Variants in NEBL observed in about 807,000 individuals in gnomAD.
The protein encoded by NEBL is LIM and SH3 protein 2.
A neutral mutation model predicts 140.2 loss-of-function variants in NEBL; 122 were observed. The ratio of observed to expected loss-of-function variants is 0.87; its 90% CI spans 0.75 to 1.01. The LOEUF (loss-of-function observed/expected upper bound fraction) is 1.01, where lower values mean the gene tolerates loss of function less well. NEBL is among the 50% of genes least tolerant of loss of function. The pLI is 0.00. For missense variants in NEBL, 1,365 were observed against 1,231.3 expected (o/e 1.11, Z -1.62); for synonymous variants, 436 against 398.9 (o/e 1.09, Z -1.11).
intron 19 of NEBL, among the ~76,000 whole-genome samples, chr10:20,822,656 TATAGATATATAGAG>T (rs1839448641): frequency 1.1e-5 from 1 of 89,796 alleles, no homozygotes; most frequent in Non-Finnish European, 2.8e-5. Flanking sequence ...ATAGGCTATA[TATAGATATATAGAG>T]ACTATAGATA....
At chr10:21,095,741 C>G (rs1172326204) in intron 2 of NEBL, among the ~76,000 whole-genome samples, 1 of 152,210 alleles carries the variant, frequency 6.6e-6, no homozygotes, top group African/African-American at 2.4e-5. Context: ...TTAGCTTCAT[C>G]TTGATGCAAT....
chr10:20,986,424 T>A (rs11012462), intron 3 of NEBL, among the ~76,000 whole-genome samples: 19,770 of 152,144 alleles, frequency 0.13, 2,480 homozygotes, highest in East Asian at 0.38. Flanking sequence ...CCCAAAGTAC[T>A]TTTCAATTAG....
chr10:21,003,420 T>C (rs1837990809), intron 3 of NEBL, among the ~76,000 whole-genome samples: 1 of 152,240 alleles, frequency 6.6e-6, no homozygotes, highest in Non-Finnish European at 1.5e-5. Context: ...CAATCTCTCC[T>C]TTAATGCTGG....
Position 20,853,740 on chromosome 10 carries a change from G to A in NEBL, c.904-1091C>T, listed in dbSNP as rs576565766. Among the ~76,000 whole-genome samples, 3 of 152,302 alleles carry A rather than the reference G, an allele frequency of 2.0e-5. No homozygotes were observed. In the East Asian group the frequency reaches 5.8e-4, roughly 29 times the overall value. On this transcript the variant is annotated intron_variant, in intron 9 of 27. Transcript: ENST00000377122. ...TGGCTACCAGCAGCTGGGAAGAGTG[G>A]TGGGGAGAGGAGATAAAGTGGAGAT...
chr10:21,101,355 G>C (rs1837468984), intron 2 of NEBL, among the ~76,000 whole-genome samples: 1 of 152,156 alleles, frequency 6.6e-6, no homozygotes, highest in African/African-American at 2.4e-5. Context: ...AGGCAATGTG[G>C]TCAAGTAACA....
intron 2 of NEBL, among the ~76,000 whole-genome samples, chr10:21,093,995 T>G (rs1246805197): frequency 6.6e-6 from 1 of 152,206 alleles, no homozygotes. Flanking sequence ...AAAACTATAT[T>G]TATCTGTGGT....
intron 2 of NEBL, among the ~76,000 whole-genome samples, chr10:21,099,501 C>A (rs576595812): frequency 2.0e-5 from 3 of 152,126 alleles, no homozygotes; most frequent in Non-Finnish European, 4.4e-5. Context: ...ATATGTTCCC[C>A]CAACCACCAC....
At chr10:21,199,356 A>G (rs1181749051) in intron 3 of NEBL, among the ~76,000 whole-genome samples, 1 of 152,188 alleles carries the variant, frequency 6.6e-6, no homozygotes, top group Non-Finnish European at 1.5e-5. Context: ...TTTTTAAAAA[A>G]TCATTATGTT....
intron 2 of NEBL, among the ~76,000 whole-genome samples, chr10:21,020,708 G>A (rs138757991): frequency 7.9e-5 from 12 of 152,170 alleles, no homozygotes; most frequent in Admixed American, 4.6e-4. Context: ...CCTCTTGGGC[G>A]GCCTCCCTCC....
intron 1 of NEBL, among the ~76,000 whole-genome samples, chr10:21,262,153 T>A (rs1386529369): frequency 3.3e-5 from 5 of 152,074 alleles, no homozygotes. Context: ...TGCGAGGGCC[T>A]CGATAGGAGA....
At chr10:21,111,911 C>T (rs1051049230) in intron 2 of NEBL, among the ~76,000 whole-genome samples, 3 of 152,030 alleles carry the variant, frequency 2.0e-5, no homozygotes, top group Admixed American at 6.6e-5. Flanking sequence ...ACAAACAACC[C>T]CATCAAAAAG....
chr10:21,252,434 C>T (rs1205657296), intron 1 of NEBL, among the ~76,000 whole-genome samples: 1 of 152,092 alleles, frequency 6.6e-6, no homozygotes, highest in East Asian at 1.9e-4. Flanking sequence ...AGCCTTGTTA[C>T]AGGAAAGCAG....
intron 2 of NEBL, among the ~76,000 whole-genome samples, chr10:21,031,966 A>AT (rs1833818942): frequency 6.6e-6 from 1 of 152,244 alleles, no homozygotes; most frequent in African/African-American, 2.4e-5. Flanking sequence ...AAAACAGAAC[A>AT]TTTTTCCCTT....
chr10:21,229,520 A>T (rs1303165169), intron 3 of NEBL, among the ~76,000 whole-genome samples: 1 of 152,260 alleles, frequency 6.6e-6, no homozygotes, highest in Admixed American at 6.5e-5. Flanking sequence ...GAATCTCAGA[A>T]GTTTTAAGAA....
intron 2 of NEBL, among the ~76,000 whole-genome samples, chr10:21,045,000 G>T (rs1025050185): frequency 2.0e-4 from 31 of 152,190 alleles, no homozygotes; most frequent in Non-Finnish European, 4.3e-4. Context: ...TAATTGGCTT[G>T]AAATACAGGC....
chr10:21,026,444 C>T (rs1839034692), intron 2 of NEBL, among the ~76,000 whole-genome samples: 1 of 152,206 alleles, frequency 6.6e-6, no homozygotes, highest in South Asian at 2.1e-4. Flanking sequence ...AATTTTAAGA[C>T]TTCTAGCTCT....
intron 12 of NEBL, 151 bp downstream of exon 12, chr10:20,845,107 T>G (rs1841777541): frequency 1.8e-6 from 1 of 562,080 alleles, no homozygotes; most frequent in Non-Finnish European, 3.2e-6. Context: ...CTAATGAAAA[T>G]GCAACACTTT....
chr10:21,219,461 T>A (rs1255424020), intron 3 of NEBL, among the ~76,000 whole-genome samples: 1 of 152,180 alleles, frequency 6.6e-6, no homozygotes, highest in Non-Finnish European at 1.5e-5. Context: ...TTTTGGCATT[T>A]AAAAAACAAC....
At chr10:20,805,041 C>T (rs888600210) in intron 26 of NEBL, among the ~76,000 whole-genome samples, 4 of 152,096 alleles carry the variant, frequency 2.6e-5, no homozygotes, top group Non-Finnish European at 4.4e-5. Flanking sequence ...GAGGTAGGGC[C>T]AAGCACTCAG....
Sources: gnomAD v4.1 joint callset for allele counts (sites outside exome capture counted in the v4.1 genomes callset) on GRCh38, gnomAD v4.1.1 for gene constraint, MANE v1.5 for transcripts, NCBI Gene and HGNC (gene_info 2026-07-23, HGNC 2026-07-21) for gene names.